TOX: variants seen among roughly 807,000 people sequenced by gnomAD.
The protein encoded by TOX is thymocyte selection associated high mobility group box.
A neutral mutation model predicts 53.7 loss-of-function variants in TOX; 11 were observed. The observed-to-expected ratio is 0.20, with a 90% confidence interval of 0.13 to 0.34. The LOEUF is 0.34. TOX is among the 10% of genes least tolerant of loss of function. The pLI is 1.00. For synonymous variants in TOX, 225 were observed against 245.3 expected, an observed-to-expected ratio of 0.92 and a Z score of 0.77; for missense variants, 570 against 664.6, an observed-to-expected ratio of 0.86 and a Z score of 1.56.
At chr8:58,963,298 G>GATATAT (rs752277652) in intron 1 of TOX, among the ~76,000 whole-genome samples, 55 of 81,790 alleles carry the variant, frequency 6.7e-4, no homozygotes, top group East Asian at 4.3e-3. Flanking sequence ...ATAGAAGATA[G>GATATAT]ATAGATAGAT....
chr8:58,890,737 G>A (rs1356684397), intron 3 of TOX, among the ~76,000 whole-genome samples: 6 of 152,108 alleles, frequency 3.9e-5, no homozygotes, highest in African/African-American at 9.7e-5. Flanking sequence ...AACCCTGGAC[G>A]GGATGGATGT....
At chr8:58,844,734 C>T (rs916614855) in intron 4 of TOX, among the ~76,000 whole-genome samples, 4 of 152,060 alleles carry the variant, frequency 2.6e-5, no homozygotes, top group African/African-American at 9.6e-5. Flanking sequence ...TAAATGTCGC[C>T]CTGATTACCC....
At chr8:58,979,850 G>A (rs1813168384) in intron 1 of TOX, among the ~76,000 whole-genome samples, 1 of 152,166 alleles carries the variant, frequency 6.6e-6, no homozygotes, top group East Asian at 1.9e-4. Flanking sequence ...AGACAATAGT[G>A]CCTATCTCAT....
chr8:58,956,905 G>A (rs1041615821), intron 2 of TOX, among the ~76,000 whole-genome samples: 5 of 152,170 alleles, frequency 3.3e-5, no homozygotes, highest in Admixed American at 1.3e-4. Context: ...GAGCCACCAC[G>A]CCCAGCCCTA....
At chr8:58,919,092 G>A (rs1365728575) in intron 3 of TOX, among the ~76,000 whole-genome samples, 6 of 150,846 alleles carry the variant, frequency 4.0e-5, no homozygotes, top group African/African-American at 1.2e-4. Context: ...CATGCTCATG[G>A]GTAGGAAGAA....
chr8:59,047,806 C>A (rs1803717027), intron 1 of TOX, among the ~76,000 whole-genome samples: 2 of 152,074 alleles, frequency 1.3e-5, no homozygotes, highest in African/African-American at 4.8e-5. Flanking sequence ...TCACAGAATT[C>A]AATTACAAAC....
intron 3 of TOX, among the ~76,000 whole-genome samples, chr8:58,932,238 G>A (rs75475568): frequency 0.013 from 1,984 of 151,688 alleles, 58 homozygotes; most frequent in African/African-American, 0.046. Context: ...GTGGTTTAAC[G>A]CATTGTTCTT....
At chr8:59,030,367 A>C (rs1370118756) in intron 1 of TOX, among the ~76,000 whole-genome samples, 1 of 152,184 alleles carries the variant, frequency 6.6e-6, no homozygotes, top group Non-Finnish European at 1.5e-5. Context: ...TCTTAAGCGC[A>C]CTGCACAGTT....
At chr8:58,900,408 C>CATCT (rs1250787919) in intron 3 of TOX, among the ~76,000 whole-genome samples, 1 of 152,150 alleles carries the variant, frequency 6.6e-6, no homozygotes, top group East Asian at 1.9e-4. Flanking sequence ...ACATTCTAGA[C>CATCT]ATCTATATAA....
intron 2 of TOX, among the ~76,000 whole-genome samples, chr8:58,949,736 T>C (rs1298829889): frequency 3.3e-5 from 5 of 151,972 alleles, no homozygotes; most frequent in African/African-American, 1.2e-4. Context: ...GTTAAATTGA[T>C]TTTTGCTTAT....
At chr8:59,032,014 G>C (rs994970288) in intron 1 of TOX, among the ~76,000 whole-genome samples, 1 of 152,178 alleles carries the variant, frequency 6.6e-6, no homozygotes, top group East Asian at 1.9e-4. Context: ...TATCTTCTGG[G>C]TGAAAAAGGG....
At chr8:59,097,625 A>C (rs1804734613) in intron 1 of TOX, among the ~76,000 whole-genome samples, 1 of 152,212 alleles carries the variant, frequency 6.6e-6, no homozygotes, top group South Asian at 2.1e-4. Context: ...TTAGTGGAAA[A>C]ATCCATCTGT....
At chr8:58,871,559 C>T (rs890455896) in intron 3 of TOX, among the ~76,000 whole-genome samples, 1 of 152,056 alleles carries the variant, frequency 6.6e-6, no homozygotes, top group African/African-American at 2.4e-5. Flanking sequence ...GAGAGAAGTC[C>T]ATAAGACTAA....
chr8:58,952,465 A>G (rs943004963), intron 2 of TOX, among the ~76,000 whole-genome samples: 4 of 152,224 alleles, frequency 2.6e-5, no homozygotes, highest in Non-Finnish European at 5.9e-5. Flanking sequence ...GTTTTTAATA[A>G]TTGTTCACAT....
chr8:59,040,469 A>G (rs901774969), intron 1 of TOX, among the ~76,000 whole-genome samples: 3 of 152,182 alleles, frequency 2.0e-5, no homozygotes, highest in Non-Finnish European at 4.4e-5. Context: ...CACCCTGCCA[A>G]TCATGGGCAT....
intron 1 of TOX, among the ~76,000 whole-genome samples, chr8:58,972,833 C>A (rs951726600): frequency 6.6e-5 from 10 of 152,106 alleles, no homozygotes; most frequent in African/African-American, 2.4e-4. Flanking sequence ...AATCTTTTTA[C>A]CATTAAGTAA....
chr8:58,961,763 T>G (rs996052722), intron 1 of TOX, among the ~76,000 whole-genome samples: 3 of 138,346 alleles, frequency 2.2e-5, no homozygotes, highest in Non-Finnish European at 5.0e-5. Context: ...TGCCTCAGCC[T>G]CCCAAAGTGC....
chr8:59,080,708 C>A (rs1234777527), intron 1 of TOX, among the ~76,000 whole-genome samples: 7 of 152,070 alleles, frequency 4.6e-5, no homozygotes, highest in African/African-American at 1.7e-4. Flanking sequence ...AAGATCCGGT[C>A]ATTTAAGTCT....
intron 1 of TOX, among the ~76,000 whole-genome samples, chr8:59,105,851 A>AT (rs896115106): frequency 1.5e-4 from 23 of 152,050 alleles, no homozygotes; most frequent in African/African-American, 5.1e-4. Flanking sequence ...AATTGTTTTT[A>AT]TTTTTTTCCT....
Sources: allele counts gnomAD v4.1 joint callset (sites outside exome capture counted in the v4.1 genomes callset), GRCh38; gene constraint gnomAD v4.1.1; transcripts MANE v1.5; gene names NCBI Gene and HGNC (gene_info 2026-07-23, HGNC 2026-07-21).